FUT8: variants seen among roughly 807,000 people sequenced by gnomAD.
FUT8 encodes fucosyltransferase 8.
A neutral mutation model predicts 71.3 loss-of-function variants in FUT8; 29 were observed. The observed-to-expected ratio is 0.41, with a 90% CI of 0.30 to 0.55. FUT8 has a LOEUF of 0.55. FUT8 is among the 20% of genes least tolerant of loss of function. The pLI, the probability that FUT8 is intolerant of heterozygous loss-of-function variation, is 0.34. For synonymous variants in FUT8, 254 were observed against 239.3 expected, an observed-to-expected ratio of 1.06 and a Z score of -0.57; for missense variants, 544 against 702.1, an observed-to-expected ratio of 0.77 and a Z score of 2.55.
At chr14:65,685,193 A>C (rs927926992) in intron 7 of FUT8, among the ~76,000 whole-genome samples, 68 of 152,172 alleles carry the variant, frequency 4.5e-4, no homozygotes, top group African/African-American at 1.6e-3. Context: ...GTCTTTTATC[A>C]ATGGAGTATG....
chr14:65,405,861 T>G (rs571812137), upstream of FUT8, among the ~76,000 whole-genome samples: 3 of 152,378 alleles, frequency 2.0e-5, no homozygotes, highest in South Asian at 6.2e-4. Context: ...AGATAATCTC[T>G]CTTCTCACAT....
chr14:65,569,569 A>G (rs947126291), intron 3 of FUT8, among the ~76,000 whole-genome samples: 1 of 151,494 alleles, frequency 6.6e-6, no homozygotes, highest in Non-Finnish European at 1.5e-5. Context: ...GATAATTTCA[A>G]ATTTCTTTGG....
chr14:65,386,253 G>A, the FUT8 span, among the ~76,000 whole-genome samples: 2,587 of 152,106 alleles, frequency 0.017, 73 homozygotes, highest in African/African-American at 0.059. Flanking sequence ...CTTGCAGTGA[G>A]TCGAGATGGT....
intron 5 of FUT8, among the ~76,000 whole-genome samples, chr14:65,621,245 G>GT (rs376489698): frequency 0.016 from 2,400 of 145,580 alleles, 47 homozygotes; most frequent in African/African-American, 0.042. Flanking sequence ...ATTTGTTCCT[G>GT]TTTTTTTTTT....
chr14:65,644,638 G>T (rs1276256465), intron 6 of FUT8, among the ~76,000 whole-genome samples: 1 of 152,172 alleles, frequency 6.6e-6, no homozygotes, highest in Non-Finnish European at 1.5e-5. Context: ...TGGGATTACA[G>T]GTGTGAGCCA....
intron 3 of FUT8, among the ~76,000 whole-genome samples, chr14:65,595,462 T>C (rs1887913343): frequency 6.6e-6 from 1 of 152,150 alleles, no homozygotes; most frequent in Admixed American, 6.5e-5. Context: ...CACTCTCATG[T>C]TATATACCTC....
intron 7 of FUT8, among the ~76,000 whole-genome samples, chr14:65,670,576 A>G (rs751436358): frequency 6.6e-5 from 10 of 152,122 alleles, no homozygotes; most frequent in African/African-American, 2.4e-4. Flanking sequence ...GGGAAGTCCA[A>G]CATTTTTCAA....
At chr14:65,492,989 T>C (rs994314781) in intron 2 of FUT8, among the ~76,000 whole-genome samples, 1 of 151,988 alleles carries the variant, frequency 6.6e-6, no homozygotes, top group Admixed American at 6.6e-5. Flanking sequence ...CTCCCTGCCA[T>C]AAGGTGAAAG....
At chr14:65,596,353 A>G (rs1336732290) in intron 3 of FUT8, among the ~76,000 whole-genome samples, 1 of 152,250 alleles carries the variant, frequency 6.6e-6, no homozygotes, top group Non-Finnish European at 1.5e-5. Context: ...AAACATACTT[A>G]TTAATCATTG....
At chr14:65,456,980 T>C (rs1440640694) in intron 2 of FUT8, among the ~76,000 whole-genome samples, 3 of 152,164 alleles carry the variant, frequency 2.0e-5, no homozygotes, top group African/African-American at 4.8e-5. Context: ...ATCAGGGTAA[T>C]TGGAATATCC....
chr14:65,461,678 T>C (rs540502226), intron 2 of FUT8, among the ~76,000 whole-genome samples: 39 of 152,336 alleles, frequency 2.6e-4, no homozygotes, highest in Non-Finnish European at 5.1e-4. Flanking sequence ...ATTAGTTTGT[T>C]ACTGATACAC....
intron 2 of FUT8, among the ~76,000 whole-genome samples, chr14:65,468,996 A>T (rs1333885324): frequency 6.6e-6 from 1 of 152,036 alleles, no homozygotes; most frequent in African/African-American, 2.4e-5. Context: ...AGGGTCTCCA[A>T]TGTTGCCCAG....
intron 2 of FUT8, among the ~76,000 whole-genome samples, chr14:65,547,569 C>G (rs1475035141): frequency 6.6e-6 from 1 of 151,516 alleles, no homozygotes; most frequent in African/African-American, 2.4e-5. Flanking sequence ...TGTTTAAATC[C>G]ATCATTTACA....
intron 5 of FUT8, among the ~76,000 whole-genome samples, chr14:65,624,903 A>G (rs189265986): frequency 6.6e-6 from 1 of 152,272 alleles, no homozygotes; most frequent in East Asian, 1.9e-4. Context: ...TGTCAATACT[A>G]TAAACAGAAA....
intron 7 of FUT8, among the ~76,000 whole-genome samples, chr14:65,706,802 A>C (rs1257552002): frequency 2.0e-5 from 3 of 152,180 alleles, no homozygotes; most frequent in Middle Eastern, 3.2e-3. Context: ...GGATTTCAGC[A>C]TATGAATTTG....
intron 7 of FUT8, among the ~76,000 whole-genome samples, chr14:65,690,118 A>G (rs192831622): frequency 5.9e-5 from 9 of 152,238 alleles, no homozygotes; most frequent in Admixed American, 5.9e-4. Flanking sequence ...TAATTTTTCC[A>G]GCACCATTTG....
intron 7 of FUT8, among the ~76,000 whole-genome samples, chr14:65,705,567 G>A (rs1229667255): frequency 6.6e-6 from 1 of 152,120 alleles, no homozygotes; most frequent in Admixed American, 6.5e-5. Context: ...GAACCTAATC[G>A]GAGTCATACT....
At chr14:65,716,397 T>C (rs547409360) in intron 7 of FUT8, among the ~76,000 whole-genome samples, 17 of 151,572 alleles carry the variant, frequency 1.1e-4, no homozygotes, top group African/African-American at 4.1e-4. Flanking sequence ...TTTTTTTTTT[T>C]GGAAAATAAT....
intron 3 of FUT8, among the ~76,000 whole-genome samples, chr14:65,562,957 C>T (rs976439503): frequency 7.9e-5 from 12 of 152,040 alleles, no homozygotes; most frequent in African/African-American, 2.7e-4. Flanking sequence ...TTGTTTAGAA[C>T]TCGGATTTTT....
Sources: gnomAD v4.1 joint callset for allele counts (sites outside exome capture counted in the v4.1 genomes callset) on GRCh38, gnomAD v4.1.1 for gene constraint, MANE v1.5 for transcripts, NCBI Gene and HGNC (gene_info 2026-07-23, HGNC 2026-07-21) for gene names.